RYR2: variants seen among roughly 807,000 people sequenced by gnomAD.
RYR2 encodes the protein cardiac muscle ryanodine receptor-calcium release channel.
Under a neutral mutation model 601.1 loss-of-function variants are expected in RYR2, and 227 were observed. That is an observed-to-expected ratio of 0.38 (90% CI 0.34 to 0.42). The LOEUF is 0.42. Ranked by LOEUF, RYR2 falls within the 10% of genes least tolerant of loss-of-function variation. The pLI is 1.00. For missense variants in RYR2, 4,646 were observed against 6,156.5 expected (o/e 0.75, Z 8.21); for synonymous variants, 2,223 against 2,175.1 (o/e 1.02, Z -0.61).
At chr1:237,759,044 T>C (rs1280339523) in intron 82 of RYR2, among the ~76,000 whole-genome samples, 3 of 152,212 alleles carry the variant, frequency 2.0e-5, no homozygotes, top group Non-Finnish European at 4.4e-5. Flanking sequence ...GTCTATAGCA[T>C]TAGCATATGG....
intron 23 of RYR2, among the ~76,000 whole-genome samples, chr1:237,508,755 T>G (rs1665537036): frequency 1.4e-5 from 2 of 140,114 alleles, no homozygotes; most frequent in African/African-American, 5.4e-5. Context: ...TTTTTTTTTT[T>G]TTTTTGAGAC....
At chr1:237,620,951 A>G (rs955800650) in intron 38 of RYR2, among the ~76,000 whole-genome samples, 2 of 152,098 alleles carry the variant, frequency 1.3e-5, no homozygotes, top group East Asian at 3.9e-4. Context: ...TACTCCACCC[A>G]ACGACAAGGT....
At chr1:237,230,367 A>C (rs1684851423) in intron 1 of RYR2, among the ~76,000 whole-genome samples, 1 of 152,228 alleles carries the variant, frequency 6.6e-6, no homozygotes, top group South Asian at 2.1e-4. Context: ...TTTGTTATCA[A>C]ATCACTTCCT....
intron 73 of RYR2, 128 bp from the exon 74 acceptor site, chr1:237,723,000 T>A (rs1237148784): frequency 2.8e-6 from 2 of 721,926 alleles, no homozygotes; most frequent in Non-Finnish European, 4.5e-6. Flanking sequence ...CAGCTGCGCG[T>A]CATGTCTTAA....
intron 1 of RYR2, among the ~76,000 whole-genome samples, chr1:237,161,375 T>C (rs1037140745): frequency 2.0e-5 from 3 of 151,966 alleles, no homozygotes; most frequent in Non-Finnish European, 4.4e-5. Context: ...AAGAAAACAT[T>C]GTGCACAGAG....
chr1:237,407,766 A>G (rs971623019), intron 10 of RYR2, among the ~76,000 whole-genome samples: 11 of 151,916 alleles, frequency 7.2e-5, no homozygotes, highest in African/African-American at 2.7e-4. Context: ...ACAGGTGCCC[A>G]CCACCATGCC....
At chr1:237,605,740 T>G (rs1185722021) in intron 35 of RYR2, among the ~76,000 whole-genome samples, 1 of 152,062 alleles carries the variant, frequency 6.6e-6, no homozygotes, top group Non-Finnish European at 1.5e-5. Context: ...AAAATCAATG[T>G]GCAAAAATCA....
At chr1:237,760,843 G>A (rs1224477861) in intron 83 of RYR2, 112 bp from the exon 84 acceptor site, 17 of 495,494 alleles carry the variant, frequency 3.4e-5, no homozygotes, top group Non-Finnish European at 5.1e-5. Flanking sequence ...TTCAGTGTAC[G>A]TTAACATTTG....
chr1:237,203,217 G>T (rs879925118), intron 1 of RYR2, among the ~76,000 whole-genome samples: 2 of 152,124 alleles, frequency 1.3e-5, no homozygotes, highest in African/African-American at 2.4e-5. Flanking sequence ...GAAAACTAGG[G>T]TCACATGTTA....
intron 5 of RYR2, among the ~76,000 whole-genome samples, chr1:237,365,977 G>C (rs1700162262): frequency 6.6e-6 from 1 of 152,224 alleles, no homozygotes; most frequent in African/African-American, 2.4e-5. Context: ...ACTTGCAATG[G>C]ATGATCTGGA....
intron 62 of RYR2, among the ~76,000 whole-genome samples, chr1:237,687,015 T>C (rs1338454514): frequency 6.6e-6 from 1 of 152,196 alleles, no homozygotes; most frequent in East Asian, 1.9e-4. Flanking sequence ...CGAAGCACCA[T>C]ACGTCTGTTG....
chr1:237,529,075 C>A lies in RYR2; in HGVS notation c.2823-1352C>A, dbSNP rs906833166. On this transcript the variant is annotated intron_variant, in intron 24 of 104. Transcript: ENST00000366574. The stretch of plus-strand genomic sequence containing the variant: ...ATTGCCTGTTGTCTGTAGCACAGGG[C>A]CTTGCACATGATAGCACTCAGTAGA... 2.6e-5 allele frequency among the ~76,000 whole-genome samples: 4 copies of A among 151,894 alleles called. No homozygotes were observed. The South Asian group carries it at 6.2e-4, about 24-fold the overall frequency.
intron 58 of RYR2, among the ~76,000 whole-genome samples, chr1:237,668,811 G>A (rs1367070329): frequency 1.3e-5 from 2 of 152,198 alleles, no homozygotes; most frequent in Non-Finnish European, 2.9e-5. Context: ...CCAAGCACTA[G>A]GAAACAGAGT....
In RYR2 at chr1:237,666,518, G is replaced by T; in HGVS notation, c.8443G>T (p.Val2815Leu). ...RRISQTSQVS[V>L]DAAHGYSPRA... Reference sequence around the variant, plus strand: ...TTTCACACAAATGATCTAGGTTTCTGTGGACGCTGCCCATGGTTACAGTCC... The same window carrying T: ...TTTCACACAAATGATCTAGGTTTCTTTGGACGCTGCCCATGGTTACAGTCC... The change falls in exon 57 of 105, where the codon GTG becomes TTG. Residue 2815 changes from valine to leucine, a missense_variant. Transcript: ENST00000366574. 6.2e-7 allele frequency: 1 copy of T among 1,611,552 alleles called. No homozygotes were observed. Among genetic ancestry groups the T allele is most frequent in the Non-Finnish European group, 8.5e-7 (1 of 1,178,902 alleles).
intron 17 of RYR2, among the ~76,000 whole-genome samples, chr1:237,478,423 A>C (rs903676915): frequency 1.3e-5 from 2 of 152,170 alleles, no homozygotes; most frequent in Non-Finnish European, 2.9e-5. Context: ...GTGCTTATTA[A>C]ATTAAATGTA....
rs774426446 is a variant in RYR2 at position 237,770,911 on chromosome 1, G to T, written c.11557+24G>T. 7.7e-6 allele frequency: 11 copies of T among 1,422,724 alleles called. No individual in the cohort carries two copies. The Admixed American group carries it at 1.6e-4, about 21-fold the overall frequency. 88.1% of individuals were successfully genotyped at this position (1,422,724 alleles called of 1,614,324 possible). A position where few individuals can be genotyped will look rare whatever the true frequency, so the allele number is the denominator to read the frequency against. ...AGGTTTGTGAGTCCCCGGAACTTCT[G>T]ATGATACTAAGGCATAAATAATGTT... On this transcript the variant is annotated intron_variant, in intron 85 of 104. Coordinates refer to ENST00000366574, the MANE Select transcript of RYR2 (RefSeq NM_001035.3).
chr1:237,074,155 A>C (rs923532460), intron 1 of RYR2, among the ~76,000 whole-genome samples: 3 of 152,002 alleles, frequency 2.0e-5, no homozygotes, highest in African/African-American at 7.2e-5. Context: ...CATCTCTAAA[A>C]AAATGAAAAT....
chr1:237,758,619 T>C (rs1391840179), intron 82 of RYR2, among the ~76,000 whole-genome samples: 2 of 152,250 alleles, frequency 1.3e-5, no homozygotes, highest in Admixed American at 6.5e-5. Flanking sequence ...ATATTTAGTT[T>C]GTATTGCCTT....
At position 237,050,959 on chromosome 1, in the gene RYR2, C is replaced by T. The variant is rs976578510; in HGVS notation, c.48+8390C>T. Among the ~76,000 whole-genome samples the T allele has an allele frequency of 7.2e-5, 11 of 152,254 alleles. No homozygotes were observed. In the East Asian group the frequency reaches 1.7e-3, roughly 24 times the overall value. On this transcript the variant is annotated intron_variant, in intron 1 of 104. Transcript: ENST00000366574. ...AAAGAAACTTTACATGAGGAAAGTT[C>T]GGTCTCACACACACGCACACATGTG... is the stretch of plus-strand genomic sequence containing the variant.
Sources: allele counts gnomAD v4.1 joint callset (sites outside exome capture counted in the v4.1 genomes callset), GRCh38; gene constraint gnomAD v4.1.1; transcripts MANE v1.5; gene names NCBI Gene and HGNC (gene_info 2026-07-23, HGNC 2026-07-21).